RBFOX2: variants seen among roughly 807,000 people sequenced by gnomAD.
The protein encoded by RBFOX2 is RNA binding protein fox-1 homolog 2.
A neutral mutation model predicts 49.1 loss-of-function variants in RBFOX2; 10 were observed. That is an observed-to-expected ratio of 0.20 (90% CI 0.13 to 0.35). The LOEUF (loss-of-function observed/expected upper bound fraction) is 0.35. RBFOX2 is among the 10% of genes least tolerant of loss of function. The pLI is 1.00. For synonymous variants in RBFOX2, 183 were observed against 187.4 expected (o/e 0.98, Z 0.19); for missense variants, 323 against 486.9 (o/e 0.66, Z 3.17).
At chr22:35,949,053 T>C (rs891277516) in intron 1 of RBFOX2, among the ~76,000 whole-genome samples, 1 of 152,210 alleles carries the variant, frequency 6.6e-6, no homozygotes, top group Admixed American at 6.5e-5. Context: ...CTCACGTGAA[T>C]AGTCAAACAA....
At chr22:35,994,143 T>C (rs1243135854) in intron 1 of RBFOX2, 1 of 151,878 alleles carries the variant, frequency 6.6e-6, no homozygotes, top group Non-Finnish European at 1.5e-5. Flanking sequence ...TATGCCATTA[T>C]GTAATTTAAA....
intron 2 of RBFOX2, among the ~76,000 whole-genome samples, chr22:35,797,674 C>T (rs941509142): frequency 1.3e-5 from 2 of 151,930 alleles, no homozygotes; most frequent in African/African-American, 4.8e-5. Flanking sequence ...CTGTACTGAC[C>T]GTCAAAGCAA....
At chr22:35,850,879 A>T (rs1199362423) in intron 1 of RBFOX2, among the ~76,000 whole-genome samples, 1 of 152,210 alleles carries the variant, frequency 6.6e-6, no homozygotes. Flanking sequence ...GTAACTATTG[A>T]TCCTACGAAA....
chr22:35,895,128 G>C (rs1256816773), intron 1 of RBFOX2, among the ~76,000 whole-genome samples: 2 of 151,414 alleles, frequency 1.3e-5, no homozygotes, highest in Non-Finnish European at 2.9e-5. Context: ...CCAGCTCTGA[G>C]TATCTGAACT....
At chr22:35,798,540 A>T (rs1949195391) in intron 2 of RBFOX2, among the ~76,000 whole-genome samples, 1 of 152,196 alleles carries the variant, frequency 6.6e-6, no homozygotes, top group Non-Finnish European at 1.5e-5. Flanking sequence ...TCATCTGTAA[A>T]AGAGGAGTAA....
At chr22:35,814,710 C>CAAAAAAAAAAAAAAAAAAAAAAAA (rs55971445) in intron 1 of RBFOX2, among the ~76,000 whole-genome samples, 1 of 31,028 alleles carries the variant, frequency 3.2e-5, no homozygotes, top group Non-Finnish European at 6.3e-5. Context: ...AACCCTGTCT[C>CAAAAAAAAAAAAAAAAAAAAAAAA]AAAAAAAAAA....
intron 1 of RBFOX2, among the ~76,000 whole-genome samples, chr22:35,958,959 C>CTATATATATA (rs71810155): frequency 7.9e-6 from 1 of 126,028 alleles, no homozygotes; most frequent in East Asian, 2.3e-4. Context: ...ATAGAGAAAA[C>CTATATATATA]TATATATATA....
At chr22:35,853,658 C>CGTAT (rs2042198690) in intron 1 of RBFOX2, among the ~76,000 whole-genome samples, 1 of 141,054 alleles carries the variant, frequency 7.1e-6, no homozygotes, top group Non-Finnish European at 1.6e-5. Context: ...TATATACACA[C>CGTAT]GTGTGTGTGT....
At chr22:35,845,699 A>C (rs1280439644) in intron 1 of RBFOX2, among the ~76,000 whole-genome samples, 2 of 152,232 alleles carry the variant, frequency 1.3e-5, no homozygotes, top group Non-Finnish European at 2.9e-5. Flanking sequence ...GGATTAAGGA[A>C]AAGGTTCTCA....
chr22:35,944,279 C>T (rs1418765450), intron 1 of RBFOX2, among the ~76,000 whole-genome samples: 1 of 152,158 alleles, frequency 6.6e-6, no homozygotes, highest in Non-Finnish European at 1.5e-5. Flanking sequence ...CCTATTAGGA[C>T]AAGACCTCCA....
rs545257595 is a variant in RBFOX2 at position 35,826,565 on chromosome 22, A to G, written c.27+13627T>C. ...AAGATTGCATATAAGAGATAGGCTA[A>G]GTAAAAGTAAACAAACCTCCCCCCC... On this transcript the variant is annotated intron_variant, in intron 1 of 11. Transcript: ENST00000405409. Among the ~76,000 whole-genome samples the G allele has an allele frequency of 8.5e-5, 13 of 152,260 alleles. No individual in the cohort carries two copies. In the South Asian group the frequency reaches 2.5e-3, roughly 29 times the overall value.
At chr22:35,978,100 T>G (rs773679588) in intron 1 of RBFOX2, among the ~76,000 whole-genome samples, 4 of 152,082 alleles carry the variant, frequency 2.6e-5, no homozygotes, top group Admixed American at 1.3e-4. Context: ...GCCATCGCGG[T>G]TGGAAAACTG....
chr22:35,882,011 A>T (rs572265127), intron 1 of RBFOX2, among the ~76,000 whole-genome samples: 9 of 151,986 alleles, frequency 5.9e-5, no homozygotes, highest in African/African-American at 9.7e-5. Flanking sequence ...AAGAAATGAA[A>T]AGAAAAGAAA....
In RBFOX2 at chr22:35,823,474, T is replaced by C. The variant is rs192470146; in HGVS notation, c.28-13470A>G. 3.6e-3 allele frequency among the ~76,000 whole-genome samples: 545 copies of C among 152,368 alleles called. 4 individuals are homozygous for C. The highest frequency in any genetic ancestry group is 0.012 in the African/African-American group (508 of 41,594). ...CTACATTTCACCTTTTTCTATTTGCTATTGCTGATTTATTTTTTGTACTTC... is the reference window on the plus strand; with the variant it reads ...CTACATTTCACCTTTTTCTATTTGCCATTGCTGATTTATTTTTTGTACTTC... On this transcript the variant is annotated intron_variant, in intron 1 of 11. Coordinates refer to ENST00000405409, the Ensembl canonical transcript of RBFOX2.
intron 1 of RBFOX2, among the ~76,000 whole-genome samples, chr22:35,975,017 C>A (rs923080500): frequency 2.0e-5 from 3 of 152,162 alleles, no homozygotes; most frequent in African/African-American, 7.2e-5. Flanking sequence ...TGAGGAGCAA[C>A]CTTTTCTGTT....
intron 1 of RBFOX2, chr22:35,996,888 C>T (rs1158489747): frequency 1.3e-5 from 2 of 152,118 alleles, no homozygotes; most frequent in Non-Finnish European, 2.9e-5. Flanking sequence ...ATCCCCTTTC[C>T]TATCAGCCAA....
chr22:35,808,291 C>G (rs1161206116), intron 2 of RBFOX2, among the ~76,000 whole-genome samples: 1 of 146,640 alleles, frequency 6.8e-6, no homozygotes, highest in Non-Finnish European at 1.5e-5. Flanking sequence ...CTTAAATTAT[C>G]TATTGTAGCC....
intron 2 of RBFOX2, among the ~76,000 whole-genome samples, chr22:35,798,415 G>A (rs1378044322): frequency 6.6e-6 from 1 of 152,184 alleles, no homozygotes; most frequent in African/African-American, 2.4e-5. Context: ...ATAATTTATG[G>A]GAAATAATGC....
intron 2 of RBFOX2, among the ~76,000 whole-genome samples, chr22:35,787,245 G>A (rs1946599713): frequency 6.6e-6 from 1 of 151,986 alleles, no homozygotes; most frequent in Admixed American, 6.6e-5. Context: ...TTGCCATGTT[G>A]CCAGGCTGGT....
Sources: allele counts gnomAD v4.1 joint callset (sites outside exome capture counted in the v4.1 genomes callset), GRCh38; gene constraint gnomAD v4.1.1; transcripts MANE v1.5; gene names NCBI Gene and HGNC (gene_info 2026-07-23, HGNC 2026-07-21).